The following TEAD1 variants were observed in gnomAD, a reference collection of about 807,000 sequenced individuals.
TEAD1 encodes the protein TEA domain transcription factor 1.
In TEAD1, 9 loss-of-function variants were observed where a neutral mutation model predicts 54.9. The observed-to-expected ratio is 0.16, with a 90% CI of 0.10 to 0.29. The LOEUF is 0.29. Ranked by LOEUF, TEAD1 falls within the 10% of genes least tolerant of loss-of-function variation. TEAD1 has a pLI of 1.00. For synonymous variants in TEAD1, 200 were observed against 187.8 expected (o/e 1.07, Z -0.53); for missense variants, 387 against 535.9 (o/e 0.72, Z 2.74).
chr11:12,781,136 C>T lies in TEAD1; in HGVS notation c.202+16702C>T, dbSNP rs148059923. ...TTTCAACAAATGATGCTGAGACATG[C>T]GAAGAGTGAAGTCGGATCCCTTCCT... On this transcript the variant is annotated intron_variant, in intron 3 of 12. Coordinates refer to ENST00000527636, the MANE Select transcript of TEAD1 (RefSeq NM_021961.6). Among the ~76,000 whole-genome samples, 99 of 152,252 alleles carry T rather than the reference C, an allele frequency of 6.5e-4. No individual in the cohort carries two copies. The East Asian group carries it at 0.014, about 22-fold the overall frequency.
At chr11:12,739,050 A>T (rs1944592540) in intron 2 of TEAD1, among the ~76,000 whole-genome samples, 1 of 152,222 alleles carries the variant, frequency 6.6e-6, no homozygotes, top group Non-Finnish European at 1.5e-5. Context: ...TGAAATGAGA[A>T]GATGGTTGGA....
rs570861234 is a variant in TEAD1, at chr11:12,940,376, A to G, written c.*3154A>G. On this transcript the variant is annotated 3_prime_UTR_variant, in exon 13 of 13. Coordinates refer to ENST00000527636, the MANE Select transcript of TEAD1 (RefSeq NM_021961.6). ...TATTCCCCACCCAGCGTGTCTCCAG[A>G]TATTGTCAAATATCCCATCGGGTGC... 2.0e-5 allele frequency: 3 copies of G among 152,166 alleles called. No homozygotes were observed. Among genetic ancestry groups the G allele is most frequent in the Non-Finnish European group, 4.4e-5 (3 of 68,040 alleles). The allele number at this position is 152,166 out of a possible 1,614,324, so 9.4% of individuals were successfully genotyped here.
chr11:12,910,565 A>G (rs185265932), intron 10 of TEAD1, among the ~76,000 whole-genome samples: 2 of 152,284 alleles, frequency 1.3e-5, no homozygotes, highest in Admixed American at 6.5e-5. Flanking sequence ...GGTTATAACA[A>G]ATTTTTAAAT....
At chr11:12,914,951 T>C (rs574578600) in intron 10 of TEAD1, among the ~76,000 whole-genome samples, 1 of 152,388 alleles carries the variant, frequency 6.6e-6, no homozygotes, top group South Asian at 2.1e-4. Flanking sequence ...CTTGGTTCTT[T>C]GATCATTGCT....
chr11:12,926,831 G>C (rs558655348), intron 11 of TEAD1, among the ~76,000 whole-genome samples: 1 of 152,240 alleles, frequency 6.6e-6, no homozygotes, highest in East Asian at 1.9e-4. Flanking sequence ...GAGGTGAGAA[G>C]GTGGCTGTAT....
In TEAD1 at chr11:12,944,027, C is replaced by T. The variant is rs1949184835; in HGVS notation, c.*6805C>T. On this transcript the variant is annotated 3_prime_UTR_variant, in exon 13 of 13. Coordinates refer to ENST00000527636, the MANE Select transcript of TEAD1 (RefSeq NM_021961.6). The stretch of plus-strand genomic sequence containing the variant: ...TAATACACTTAAATTTTATGTAAAT[C>T]GGTTTTCGCCACGTGTGTTTGTTCA... 1.3e-5 allele frequency: 2 copies of T among 152,456 alleles called. No individual in the cohort carries two copies. Among genetic ancestry groups the T allele is most frequent in the African/African-American group, 4.8e-5 (2 of 41,384 alleles). 9.4% of individuals were successfully genotyped at this position (152,456 alleles called of 1,614,324 possible). A position where few individuals can be genotyped will look rare whatever the true frequency, so the allele number is the denominator to read the frequency against.
intron 12 of TEAD1, among the ~76,000 whole-genome samples, chr11:12,932,804 C>G (rs1949032754): frequency 6.6e-6 from 1 of 152,182 alleles, no homozygotes; most frequent in Non-Finnish European, 1.5e-5. Flanking sequence ...TCGTCACTTA[C>G]TCAGTGACTC....
At chr11:12,722,519 A>T (rs1205149196) in intron 2 of TEAD1, among the ~76,000 whole-genome samples, 1 of 152,218 alleles carries the variant, frequency 6.6e-6, no homozygotes, top group South Asian at 2.1e-4. Context: ...AGAGTATAGG[A>T]TAGAGACTCT....
intron 2 of TEAD1, among the ~76,000 whole-genome samples, chr11:12,701,621 C>T (rs970507404): frequency 1.3e-5 from 2 of 151,880 alleles, no homozygotes; most frequent in African/African-American, 4.8e-5. Flanking sequence ...TCATTGTTTG[C>T]GAGTGTCTGT....
chr11:12,866,284 AAGTTTAC>A (rs1183503926), intron 5 of TEAD1, among the ~76,000 whole-genome samples: 1 of 152,246 alleles, frequency 6.6e-6, no homozygotes, highest in Non-Finnish European at 1.5e-5. Context: ...ATGTACAAAG[AAGTTTAC>A]AGATAACAAT....
At chr11:12,739,242 ATCAG>A (rs1944602418) in intron 2 of TEAD1, among the ~76,000 whole-genome samples, 1 of 151,696 alleles carries the variant, frequency 6.6e-6, no homozygotes, top group Non-Finnish European at 1.5e-5. Context: ...CTATCTATCT[ATCAG>A]TCATCTATCT....
chr11:12,862,071 T>G (rs564073693), intron 3 of TEAD1, among the ~76,000 whole-genome samples, 179 bp from the exon 4 acceptor site: 2 of 152,264 alleles, frequency 1.3e-5, no homozygotes, highest in African/African-American at 4.8e-5. Flanking sequence ...GCCTTTCATC[T>G]TAATTTTTCC....
chr11:12,708,763 G>A (rs1177787558), intron 2 of TEAD1, among the ~76,000 whole-genome samples: 3 of 152,144 alleles, frequency 2.0e-5, no homozygotes, highest in Non-Finnish European at 4.4e-5. Flanking sequence ...ATATTATAAA[G>A]CTGCTGAAGA....
chr11:12,858,615 C>T (rs993243595), intron 3 of TEAD1, among the ~76,000 whole-genome samples: 2 of 152,138 alleles, frequency 1.3e-5, no homozygotes, highest in African/African-American at 2.4e-5. Flanking sequence ...GAAATAATTA[C>T]TTATTCATGG....
chr11:12,913,836 G>T (rs1329456444), intron 10 of TEAD1, among the ~76,000 whole-genome samples: 1 of 152,182 alleles, frequency 6.6e-6, no homozygotes, highest in East Asian at 1.9e-4. Context: ...ATTGGCTTGG[G>T]GTTGTTATTG....
chr11:12,750,655 C>T (rs772523374), intron 2 of TEAD1, among the ~76,000 whole-genome samples: 3 of 152,136 alleles, frequency 2.0e-5, no homozygotes, highest in South Asian at 2.1e-4. Context: ...GTCCACCTTT[C>T]GTCATGGCCT....
intron 3 of TEAD1, among the ~76,000 whole-genome samples, chr11:12,831,444 CTT>C (rs1401154427): frequency 1.3e-5 from 2 of 152,210 alleles, no homozygotes; most frequent in African/African-American, 4.8e-5. Flanking sequence ...GCCTTATTGT[CTT>C]TGTGTCTTAA....
chr11:12,840,865 T>C (rs1947023683), intron 3 of TEAD1, among the ~76,000 whole-genome samples: 1 of 152,188 alleles, frequency 6.6e-6, no homozygotes, highest in Non-Finnish European at 1.5e-5. Context: ...TGGTAGTAAC[T>C]TTATTGCTTT....
intron 2 of TEAD1, among the ~76,000 whole-genome samples, chr11:12,718,838 C>T (rs1037145120): frequency 6.6e-6 from 1 of 152,240 alleles, no homozygotes; most frequent in African/African-American, 2.4e-5. Flanking sequence ...CAAATCCCAA[C>T]AACTTTCATC....
Sources: allele counts gnomAD v4.1 joint callset (sites outside exome capture counted in the v4.1 genomes callset), GRCh38; gene constraint gnomAD v4.1.1; transcripts MANE v1.5; gene names NCBI Gene and HGNC (gene_info 2026-07-23, HGNC 2026-07-21).